The following CLEC16A variants were observed in gnomAD, a reference collection of about 807,000 sequenced individuals.
CLEC16A encodes the protein protein CLEC16A.
In CLEC16A, 51 loss-of-function variants were observed where a neutral mutation model predicts 109.5. That is an observed-to-expected ratio of 0.47 (90% confidence interval 0.37 to 0.59). The LOEUF (loss-of-function observed/expected upper bound fraction) is 0.59, where lower values mean the gene tolerates loss of function less well. CLEC16A is among the 20% of genes least tolerant of loss of function. The probability of loss-of-function intolerance (pLI) is 0.00; values close to 1 mark genes in which losing one functional copy is unlikely to be tolerated. For missense variants in CLEC16A, 1,339 were observed against 1,394.0 expected (o/e 0.96, Z 0.63); for synonymous variants, 673 against 564.2 (o/e 1.19, Z -2.73).
In CLEC16A at chr16:11,169,389, C is replaced by G. The variant is rs575869556; in HGVS notation, c.2806+2837C>G. On this transcript the variant is annotated intron_variant, in intron 23 of 23. Coordinates refer to ENST00000409790, the MANE Select transcript of CLEC16A (RefSeq NM_015226.3). The stretch of plus-strand genomic sequence containing the variant: ...GCAACCTCCACCTCCCAGATTCAAG[C>G]AATTCTCTCACCTCAGCCTCCTGAG... Among the ~76,000 whole-genome samples, 10 of 152,306 alleles carry G rather than the reference C, an allele frequency of 6.6e-5. No homozygotes were observed. In the East Asian group the frequency reaches 1.7e-3, roughly 26 times the overall value.
chr16:11,010,986 A>G (rs1299405096), intron 11 of CLEC16A, among the ~76,000 whole-genome samples: 1 of 152,162 alleles, frequency 6.6e-6, no homozygotes. Flanking sequence ...GATGTCATGC[A>G]CTTCTCAGGG....
chr16:11,019,071 C>A (rs768710378), intron 11 of CLEC16A, among the ~76,000 whole-genome samples: 11 of 152,164 alleles, frequency 7.2e-5, no homozygotes, highest in Non-Finnish European at 1.5e-4. Context: ...GGTGTCTGAG[C>A]CCAAGGTATG....
intron 19 of CLEC16A, among the ~76,000 whole-genome samples, chr16:11,062,986 T>TCA (rs1307059410): frequency 6.6e-6 from 1 of 152,134 alleles, no homozygotes; most frequent in East Asian, 1.9e-4. Flanking sequence ...TGCTGGGAAT[T>TCA]CACATTCCTT....
Position 10,973,043 on chromosome 16 carries a change from G to A in CLEC16A, c.710G>A (p.Cys237Tyr), listed in dbSNP as rs768899409. ...IGSHVIELDD[C>Y]VQTDEEHRNR... ...AGCCATGTGATCGAACTCGATGACT[G>A]CGTGCAGACTGATGAGGAGTAAGTG... The change falls in exon 7 of 24, where the codon TGC becomes TAC. Residue 237 changes from cysteine (C) to tyrosine (Y), a missense_variant. By Grantham distance (194) the Cys-to-Tyr change is radical (BLOSUM62 -2). Coordinates refer to ENST00000409790, the MANE Select transcript of CLEC16A (RefSeq NM_015226.3). The A allele has an allele frequency of 6.2e-7, 1 of 1,607,518 alleles. No individual in the cohort carries two copies. The highest frequency in any genetic ancestry group is 2.2e-5 in the East Asian group (1 of 44,802).
chr16:11,070,636 C>G (rs1159616130), intron 19 of CLEC16A: 4 of 152,140 alleles, frequency 2.6e-5, no homozygotes, highest in African/African-American at 9.7e-5. Flanking sequence ...AGATCATGTT[C>G]TTCATTTGTT....
intron 11 of CLEC16A, among the ~76,000 whole-genome samples, chr16:11,013,730 G>C (rs762139858): frequency 9.2e-5 from 14 of 152,098 alleles, no homozygotes; most frequent in Non-Finnish European, 1.8e-4. Context: ...CCGCACTCCA[G>C]CCTAGGCGAT....
intron 9 of CLEC16A, 108 bp downstream of exon 9, chr16:10,979,490 C>T (rs902017981): frequency 2.1e-6 from 2 of 966,082 alleles, no homozygotes; most frequent in Non-Finnish European, 3.2e-6. Flanking sequence ...TCTGTCCCCC[C>T]CATGCTGGAG....
Position 11,039,757 on chromosome 16 carries a change from T to C in CLEC16A, c.1541T>C (p.Met514Thr). Residue 514 changes from methionine to threonine, a missense_variant, in exon 14 of 24, where the codon ATG (methionine) becomes ACG (threonine). By Grantham distance (81) the Met-to-Thr change is moderately conservative. Around this residue, in one of 3 missense-constraint regions of CLEC16A, gnomAD observed 1,061 missense variants for 1,006.8 expected, o/e 1.05. Transcript: ENST00000409790. The stretch of plus-strand genomic sequence containing the variant: ...ACATCCTTCTCCTCTGTTCCAGGCA[T>C]GGATCCTGAAAAATTAGAGCGAATC... The part of the protein sequence containing the change: ...LLYAMSHNKG[M>T]DPEKLERIQL... 6.3e-7 allele frequency: 1 copy of C among 1,598,890 alleles called. No homozygotes were observed. The highest frequency in any genetic ancestry group is 8.5e-7 in the Non-Finnish European group (1 of 1,172,740).
chr16:11,007,159 G>T (rs2045075701), intron 11 of CLEC16A, among the ~76,000 whole-genome samples: 1 of 151,816 alleles, frequency 6.6e-6, no homozygotes, highest in African/African-American at 2.4e-5. Context: ...CTGTTTTTTT[G>T]CCTATGGAAA....
chr16:11,157,429 T>C (rs1176594441), intron 22 of CLEC16A, among the ~76,000 whole-genome samples: 1 of 152,212 alleles, frequency 6.6e-6, no homozygotes, highest in Non-Finnish European at 1.5e-5. Context: ...AAGTCCTTCA[T>C]TGCCCCGAAA....
intron 12 of CLEC16A, among the ~76,000 whole-genome samples, chr16:11,021,527 G>A (rs988650812): frequency 3.3e-5 from 5 of 152,228 alleles, no homozygotes; most frequent in African/African-American, 1.2e-4. Context: ...GCCAGGCATG[G>A]TTGTTCACAC....
In CLEC16A at chr16:11,091,278, A is replaced by G. The variant is rs150146124; in HGVS notation, c.2117-29337A>G. 8.1e-3 allele frequency among the ~76,000 whole-genome samples: 1,232 copies of G among 152,334 alleles called. 20 individuals carry two copies. Among genetic ancestry groups the G allele is most frequent in the African/African-American group, 0.028 (1,175 of 41,578 alleles). On this transcript the variant is annotated intron_variant, in intron 19 of 23. Transcript: ENST00000409790. The stretch of plus-strand genomic sequence containing the variant: ...CACTTATTTCAAAGGGTAAAAGGGA[A>G]GTTGTGTGTGGCTTTCAGTAAAAGC...
intron 10 of CLEC16A, among the ~76,000 whole-genome samples, chr16:10,998,225 C>T (rs954365472): frequency 5.3e-5 from 8 of 152,160 alleles, no homozygotes; most frequent in African/African-American, 9.7e-5. Flanking sequence ...CAGGTGCAGA[C>T]GCTTAGGGAG....
intron 1 of CLEC16A, among the ~76,000 whole-genome samples, chr16:10,952,683 C>T (rs747303767): frequency 2.0e-5 from 3 of 152,270 alleles, no homozygotes; most frequent in Non-Finnish European, 2.9e-5. Context: ...CTGTGTAAAA[C>T]GGTGTGCCAG....
intron 19 of CLEC16A, among the ~76,000 whole-genome samples, chr16:11,078,986 T>C (rs1395708476): frequency 6.6e-6 from 1 of 152,022 alleles, no homozygotes; most frequent in East Asian, 1.9e-4. Flanking sequence ...TCACTTGCCC[T>C]CTCGAGCCTT....
chr16:11,047,172 G>T, intron 16 of CLEC16A, 120 bp from the exon 17 acceptor site: 1 of 594,442 alleles, frequency 1.7e-6, no homozygotes. Flanking sequence ...GGTGATTTAC[G>T]AGAACTCACT....
At chr16:11,084,591 G>C (rs1454238432) in intron 19 of CLEC16A, among the ~76,000 whole-genome samples, 2 of 152,196 alleles carry the variant, frequency 1.3e-5, no homozygotes, top group Non-Finnish European at 2.9e-5. Context: ...GACACACTTT[G>C]CGTGGGTCTC....
At chr16:11,052,219 A>G (rs1380357903) in intron 18 of CLEC16A, among the ~76,000 whole-genome samples, 1 of 152,092 alleles carries the variant, frequency 6.6e-6, no homozygotes, top group East Asian at 1.9e-4. Flanking sequence ...AGGGGTGTTC[A>G]TGGTATTTTA....
At chr16:11,146,528 G>T (rs1325485364) in intron 22 of CLEC16A, among the ~76,000 whole-genome samples, 1 of 151,946 alleles carries the variant, frequency 6.6e-6, no homozygotes, top group Non-Finnish European at 1.5e-5. Flanking sequence ...AGGGATGGGT[G>T]TAGAAGGATG....
Sources: allele counts gnomAD v4.1 joint callset (sites outside exome capture counted in the v4.1 genomes callset), GRCh38; gene constraint gnomAD v4.1.1; regional missense constraint gnomAD v4.1.1; transcripts MANE v1.5; gene names NCBI Gene and HGNC (gene_info 2026-07-23, HGNC 2026-07-21).